WWTR1: variants seen among roughly 807,000 people sequenced by gnomAD.
WWTR1 encodes WW domain containing transcription regulator 1.
Under a neutral mutation model 40.1 loss-of-function variants are expected in WWTR1, and 13 were observed. That is an observed-to-expected ratio of 0.32 (90% confidence interval 0.21 to 0.52). The LOEUF is 0.52. Ranked by LOEUF, WWTR1 falls within the 20% of genes least tolerant of loss-of-function variation. The probability of loss-of-function intolerance (pLI) is 0.97; values close to 1 mark genes in which losing one functional copy is unlikely to be tolerated. For synonymous variants in WWTR1, 230 were observed against 210.1 expected, an observed-to-expected ratio of 1.09 and a Z score of -0.82; for missense variants, 436 against 523.1, an observed-to-expected ratio of 0.83 and a Z score of 1.63.
intron 2 of WWTR1, among the ~76,000 whole-genome samples, chr3:149,589,866 A>C (rs1231290360): frequency 6.6e-6 from 1 of 152,194 alleles, no homozygotes. Flanking sequence ...TCTAGGTATC[A>C]AATATAACAG....
intron 2 of WWTR1, among the ~76,000 whole-genome samples, chr3:149,589,411 C>T (rs1056728447): frequency 2.0e-5 from 3 of 152,114 alleles, no homozygotes; most frequent in Non-Finnish European, 4.4e-5. Flanking sequence ...TTTTTAACCC[C>T]CACGTTAATC....
chr3:149,556,935 A>T (rs1736853320), intron 3 of WWTR1, among the ~76,000 whole-genome samples: 1 of 152,128 alleles, frequency 6.6e-6, no homozygotes, highest in Non-Finnish European at 1.5e-5. Context: ...ATGCATATGT[A>T]GTATACACTC....
rs1258625484 is a variant in WWTR1, at chr3:149,530,076, G to A, written c.772-2107C>T. Among the ~76,000 whole-genome samples, 4 of 152,192 alleles carry A rather than the reference G, an allele frequency of 2.6e-5. No homozygotes were observed. In the East Asian group the frequency reaches 5.8e-4, roughly 22 times the overall value. Reference sequence around the variant, plus strand: ...TTAAGAATACAAGTTGAGGCCGGGCGGTGGCTCACACCTGTAATCCCAGCA... The same window carrying A: ...TTAAGAATACAAGTTGAGGCCGGGCAGTGGCTCACACCTGTAATCCCAGCA... On this transcript the variant is annotated intron_variant, in intron 4 of 6. Transcript: ENST00000360632.
At chr3:149,537,524 A>T (rs1425970773) in intron 4 of WWTR1, among the ~76,000 whole-genome samples, 4 of 152,230 alleles carry the variant, frequency 2.6e-5, no homozygotes, top group Non-Finnish European at 5.9e-5. Context: ...TATTTTATAC[A>T]TTCCGTACCA....
At chr3:149,649,578 G>T (rs1286080385) in intron 2 of WWTR1, among the ~76,000 whole-genome samples, 1 of 152,112 alleles carries the variant, frequency 6.6e-6, no homozygotes, top group African/African-American at 2.4e-5. Flanking sequence ...ATAAAAGCTA[G>T]AAGTCCAGGA....
intron 1 of WWTR1, among the ~76,000 whole-genome samples, chr3:149,693,786 T>C (rs577410137): frequency 1.8e-3 from 277 of 152,208 alleles, no homozygotes; most frequent in Admixed American, 2.9e-3. Context: ...AAACTGGATA[T>C]CCATCTGTGG....
intron 2 of WWTR1, among the ~76,000 whole-genome samples, chr3:149,592,418 T>C (rs1304936238): frequency 6.6e-6 from 1 of 152,130 alleles, no homozygotes; most frequent in African/African-American, 2.4e-5. Flanking sequence ...CAATATTTTA[T>C]ACCCAACTGA....
chr3:149,709,892 G>A lies in WWTR1; in HGVS notation n.585-6564C>T, dbSNP rs576471117. 2.1e-4 allele frequency among the ~76,000 whole-genome samples: 32 copies of A among 152,154 alleles called. No homozygotes were observed. In the South Asian group the frequency reaches 5.0e-3, roughly 24 times the overall value. ...GCACTCCAGCCTGGGCAACAAGAGCGAAACTCTATCTCAAAAAAGAAAAGA... is the reference window on the plus strand; with the variant it reads ...GCACTCCAGCCTGGGCAACAAGAGCAAAACTCTATCTCAAAAAAGAAAAGA... On this transcript the variant is annotated intron_variant and non_coding_transcript_variant, in intron 5 of 6. Transcript: ENST00000474080.
At chr3:149,642,208 G>A (rs1243761735) in intron 2 of WWTR1, among the ~76,000 whole-genome samples, 1 of 149,098 alleles carries the variant, frequency 6.7e-6, no homozygotes. Flanking sequence ...ATCACCTGAG[G>A]TTGGGAGTTC....
chr3:149,657,451 TC>T, intron 1 of WWTR1, 142 bp from the exon 2 acceptor site: 1 of 961,092 alleles, frequency 1.0e-6, no homozygotes, highest in Non-Finnish European at 1.5e-6. Context: ...CGCCTGGAGA[TC>T]CCAGACACTC....
At chr3:149,532,547 C>A (rs188848682) in intron 4 of WWTR1, among the ~76,000 whole-genome samples, 6 of 152,180 alleles carry the variant, frequency 3.9e-5, no homozygotes, top group Admixed American at 2.0e-4. Context: ...AATACGAGTT[C>A]TATATTTAGA....
At chr3:149,521,891 G>C (rs183505935) in intron 6 of WWTR1, among the ~76,000 whole-genome samples, 1 of 152,118 alleles carries the variant, frequency 6.6e-6, no homozygotes, top group Non-Finnish European at 1.5e-5. Flanking sequence ...GGGATCATAT[G>C]CTCCTTTTAC....
chr3:149,697,756 C>T (rs935761060), intron 1 of WWTR1, among the ~76,000 whole-genome samples: 2 of 152,216 alleles, frequency 1.3e-5, no homozygotes, highest in Admixed American at 1.3e-4. Flanking sequence ...TCATCTGAAA[C>T]TCAAGGCCAA....
intron 2 of WWTR1, among the ~76,000 whole-genome samples, chr3:149,614,711 G>C (rs184700501): frequency 6.6e-6 from 1 of 152,174 alleles, no homozygotes; most frequent in African/African-American, 2.4e-5. Context: ...GGGTGAGCAT[G>C]GTGGCTCACG....
intron 1 of WWTR1, among the ~76,000 whole-genome samples, chr3:149,695,970 G>A (rs71623424): frequency 0.059 from 8,897 of 149,934 alleles, 304 homozygotes; most frequent in Non-Finnish European, 0.081. Context: ...AAAATTAGCC[G>A]GGTGTGGTGG....
At chr3:149,618,204 C>T (rs187912994) in intron 2 of WWTR1, among the ~76,000 whole-genome samples, 24 of 151,800 alleles carry the variant, frequency 1.6e-4, no homozygotes, top group Admixed American at 1.2e-3. Flanking sequence ...ATAAGACATT[C>T]GAAGGACTGA....
At chr3:149,689,043 TAAACAG>T (rs1714736068) in intron 1 of WWTR1, among the ~76,000 whole-genome samples, 2 of 152,202 alleles carry the variant, frequency 1.3e-5, no homozygotes, top group East Asian at 3.8e-4. Flanking sequence ...CAGAATGGCT[TAAACAG>T]AAGAAAGTAT....
At chr3:149,570,938 T>G (rs1159948761) in intron 3 of WWTR1, among the ~76,000 whole-genome samples, 1 of 152,208 alleles carries the variant, frequency 6.6e-6, no homozygotes, top group African/African-American at 2.4e-5. Context: ...AGTAACAACC[T>G]AAATATCTAC....
chr3:149,655,297 TA>T (rs1437586818), intron 2 of WWTR1, among the ~76,000 whole-genome samples: 1 of 150,528 alleles, frequency 6.6e-6, no homozygotes, highest in Admixed American at 6.6e-5. Flanking sequence ...ATACAAAAAT[TA>T]GCCAGGCGTG....
Sources: gnomAD v4.1 joint callset for allele counts (sites outside exome capture counted in the v4.1 genomes callset) on GRCh38, gnomAD v4.1.1 for gene constraint, MANE v1.5 for transcripts, NCBI Gene and HGNC (gene_info 2026-07-23, HGNC 2026-07-21) for gene names.